The following HYCC1 variants were observed in gnomAD, a reference collection of about 807,000 sequenced individuals.
The protein encoded by HYCC1 is hyccin.
chr7:22,903,589 AGT>A, the HYCC1 span, among the ~76,000 whole-genome samples: 1 of 152,236 alleles, frequency 6.6e-6, no homozygotes, highest in African/African-American at 2.4e-5. Context: ...CTACCCACAA[AGT>A]AAATTCTAGG....
chr7:22,945,857 G>C, the HYCC1 span: 1 of 1,613,828 alleles, frequency 6.2e-7, no homozygotes, highest in South Asian at 1.1e-5. Context: ...CTTAGGTAGG[G>C]ATTGGCTGGT....
At chr7:22,945,983 C>T in the HYCC1 span, 64 of 1,613,440 alleles carry the variant, frequency 4.0e-5, no homozygotes, top group Non-Finnish European at 5.3e-5. Flanking sequence ...TTTTTCTTTT[C>T]CTCCAGTTTT....
At chr7:22,917,943 C>G in the HYCC1 span, among the ~76,000 whole-genome samples, 1 of 152,216 alleles carries the variant, frequency 6.6e-6, no homozygotes, top group Non-Finnish European at 1.5e-5. Context: ...ATCAATCTCA[C>G]TCCTAGCCAT....
At chr7:22,955,319 AAAAC>A in the HYCC1 span, among the ~76,000 whole-genome samples, 5 of 141,536 alleles carry the variant, frequency 3.5e-5, no homozygotes, top group Non-Finnish European at 6.3e-5. Flanking sequence ...TGTAGCTAGT[AAAAC>A]AAACAAAACT....
the HYCC1 span, among the ~76,000 whole-genome samples, chr7:22,986,089 T>C: frequency 6.6e-6 from 1 of 151,912 alleles, no homozygotes; most frequent in Admixed American, 6.6e-5. Flanking sequence ...TGAATTACAA[T>C]GTTCAGCTTA....
At chr7:22,957,873 G>A in the HYCC1 span, among the ~76,000 whole-genome samples, 2 of 151,384 alleles carry the variant, frequency 1.3e-5, no homozygotes, top group Non-Finnish European at 2.9e-5. Flanking sequence ...GCTCACCCTG[G>A]GATCTACAAG....
chr7:22,988,686 C>T, the HYCC1 span, among the ~76,000 whole-genome samples: 90,885 of 152,044 alleles, frequency 0.6, 27,455 homozygotes, highest in Non-Finnish European at 0.65. Flanking sequence ...ATGATTCCAA[C>T]ACAACACCTT....
At chr7:22,955,507 C>T in the HYCC1 span, among the ~76,000 whole-genome samples, 1 of 151,572 alleles carries the variant, frequency 6.6e-6, no homozygotes, top group South Asian at 2.1e-4. Context: ...TATAAGCACT[C>T]ATTATTTGGA....
At chr7:22,917,672 T>C in the HYCC1 span, among the ~76,000 whole-genome samples, 17 of 152,300 alleles carry the variant, frequency 1.1e-4, no homozygotes, top group African/African-American at 3.9e-4. Flanking sequence ...ACCTCTATAA[T>C]ACAGTCTGAT....
At chr7:22,983,665 CT>C in the HYCC1 span, 1 of 392,874 alleles carries the variant, frequency 2.5e-6, no homozygotes, top group Non-Finnish European at 4.7e-6. Context: ...ATAATGGGCA[CT>C]CAAATACTTG....
chr7:22,982,690 T>C, the HYCC1 span, among the ~76,000 whole-genome samples: 5 of 152,294 alleles, frequency 3.3e-5, no homozygotes, highest in East Asian at 1.9e-4. Context: ...TCCTAGGCTA[T>C]TGTCATAGCT....
chr7:22,950,773 C>A, the HYCC1 span, among the ~76,000 whole-genome samples: 4 of 151,638 alleles, frequency 2.6e-5, no homozygotes, highest in African/African-American at 4.8e-5. Flanking sequence ...TTAATCCTTT[C>A]TTTAAGAAAA....
chr7:22,983,813 C>A, the HYCC1 span: 1 of 663,668 alleles, frequency 1.5e-6, no homozygotes, highest in South Asian at 1.7e-5. Context: ...GGGAATGGTA[C>A]ACTAGAGTTC....
the HYCC1 span, among the ~76,000 whole-genome samples, chr7:22,930,490 A>G: frequency 5.9e-5 from 9 of 151,976 alleles, no homozygotes; most frequent in African/African-American, 1.4e-4. Flanking sequence ...ACTTTGCACA[A>G]AGAAAATACT....
At chr7:22,921,782 T>A in the HYCC1 span, among the ~76,000 whole-genome samples, 1 of 152,174 alleles carries the variant, frequency 6.6e-6, no homozygotes, top group Non-Finnish European at 1.5e-5. Flanking sequence ...AGTCAGCCCT[T>A]CATATACACA....
chr7:23,010,505 G>A, the HYCC1 span, among the ~76,000 whole-genome samples: 1 of 152,182 alleles, frequency 6.6e-6, no homozygotes, highest in Non-Finnish European at 1.5e-5. Context: ...GTAGACAGTG[G>A]TTTCCTGGGG....
the HYCC1 span, among the ~76,000 whole-genome samples, chr7:22,921,517 G>A: frequency 4.6e-5 from 7 of 152,042 alleles, no homozygotes; most frequent in Middle Eastern, 3.4e-3. Flanking sequence ...TAAATATTTG[G>A]TATGTATAAC....
At chr7:22,936,659 A>G in the HYCC1 span, 2 of 152,188 alleles carry the variant, frequency 1.3e-5, no homozygotes, top group East Asian at 1.9e-4. Flanking sequence ...CTGGCCAGGT[A>G]TAAATGGTGT....
chr7:22,998,958 T>C, the HYCC1 span, among the ~76,000 whole-genome samples: 1 of 152,190 alleles, frequency 6.6e-6, no homozygotes, highest in African/African-American at 2.4e-5. Context: ...GCTTCTCTTC[T>C]CTACCTTCCT....
Sources: allele counts gnomAD v4.1 joint callset (sites outside exome capture counted in the v4.1 genomes callset), GRCh38; gene constraint gnomAD v4.1.1; transcripts MANE v1.5; gene names NCBI Gene and HGNC (gene_info 2026-07-23, HGNC 2026-07-21).